The following RUNX1T1 variants were observed in gnomAD, a reference collection of about 807,000 sequenced individuals.
RUNX1T1 encodes the protein RUNX1 partner transcriptional co-repressor 1, also known as protein CBFA2T1.
A neutral mutation model predicts 62.8 loss-of-function variants in RUNX1T1; 4 were observed. The observed-to-expected ratio is 0.06, with a 90% confidence interval of 0.03 to 0.15. The LOEUF is 0.15. Among genes scored for constraint, RUNX1T1 ranks in the 10% least tolerant of loss-of-function variants. The probability of loss-of-function intolerance (pLI) is 1.00; values close to 1 mark genes in which losing one functional copy is unlikely to be tolerated. For synonymous variants in RUNX1T1, 291 were observed against 286.0 expected (o/e 1.02, Z -0.18); for missense variants, 508 against 754.3 (o/e 0.67, Z 3.82).
chr8:91,966,810 TCTAA>T (rs1267113266), intron 10 of RUNX1T1, among the ~76,000 whole-genome samples: 1 of 152,212 alleles, frequency 6.6e-6, no homozygotes, highest in Non-Finnish European at 1.5e-5. Flanking sequence ...CCAGTGTCAT[TCTAA>T]CTGATAGTAA....
chr8:92,049,425 A>T (rs1020292714), intron 1 of RUNX1T1, among the ~76,000 whole-genome samples: 9 of 152,112 alleles, frequency 5.9e-5, no homozygotes, highest in Non-Finnish European at 1.2e-4. Context: ...CTGACATTCC[A>T]GCAAGAATAC....
At chr8:92,084,209 C>T (rs1381344964) in intron 1 of RUNX1T1, among the ~76,000 whole-genome samples, 2 of 146,230 alleles carry the variant, frequency 1.4e-5, no homozygotes, top group Non-Finnish European at 3.0e-5. Flanking sequence ...AACAAACCTG[C>T]ACGTTCTGCA....
intron 5 of RUNX1T1, among the ~76,000 whole-genome samples, chr8:91,997,476 T>G (rs1241004950): frequency 6.6e-6 from 1 of 152,212 alleles, no homozygotes; most frequent in African/African-American, 2.4e-5. Context: ...TCCTGTCATT[T>G]ATTTATTTAA....
chr8:92,073,360 T>C (rs1313216230), intron 2 of RUNX1T1, among the ~76,000 whole-genome samples: 1 of 152,086 alleles, frequency 6.6e-6, no homozygotes, highest in African/African-American at 2.4e-5. Flanking sequence ...TTAGTATCAT[T>C]TCCCACCCTC....
intron 1 of RUNX1T1, among the ~76,000 whole-genome samples, chr8:92,048,053 G>A (rs1829686276): frequency 6.6e-6 from 1 of 152,144 alleles, no homozygotes; most frequent in Non-Finnish European, 1.5e-5. Context: ...TATAACTTGT[G>A]TATGCTCAAT....
At chr8:91,965,384 T>A (rs1811361690) in intron 10 of RUNX1T1, among the ~76,000 whole-genome samples, 3 of 152,166 alleles carry the variant, frequency 2.0e-5, no homozygotes, top group Admixed American at 1.3e-4. Context: ...TACAATAACT[T>A]CTTCTGCTGT....
chr8:92,102,266 G>A (rs888267387), upstream of RUNX1T1, among the ~76,000 whole-genome samples: 3 of 152,164 alleles, frequency 2.0e-5, no homozygotes, highest in Admixed American at 6.5e-5. The surrounding 1 kb of genome is among the most constrained non-coding windows in gnomAD (Gnocchi z 4.5). Flanking sequence ...AACAAGGAAA[G>A]TTCGCAGGCA....
At chr8:92,028,194 T>G (rs944200459) in intron 1 of RUNX1T1, among the ~76,000 whole-genome samples, 1 of 140,344 alleles carries the variant, frequency 7.1e-6, no homozygotes, top group African/African-American at 2.7e-5. Context: ...ATATTAGTAA[T>G]TCTTTTTTTT....
At chr8:91,973,884 C>A (rs1586757077) in intron 9 of RUNX1T1, among the ~76,000 whole-genome samples, 1 of 151,896 alleles carries the variant, frequency 6.6e-6, no homozygotes, top group African/African-American at 2.4e-5. Flanking sequence ...AAAACTATTC[C>A]CAAACTGTTT....
chr8:92,003,229 C>T (rs530145320), intron 5 of RUNX1T1: 89 of 400,170 alleles, frequency 2.2e-4, no homozygotes, highest in South Asian at 1.6e-3. Flanking sequence ...AGCATCAAAA[C>T]AAGAATGCTG....
At chr8:91,970,687 C>A in exon 10 of RUNX1T1, 2 of 1,611,346 alleles carry the variant, frequency 1.2e-6, no homozygotes, top group Non-Finnish European at 1.7e-6. Flanking sequence ...TGATTGATAA[C>A]TGCCAGTGCG....
At chr8:92,030,927 G>A (rs531485853) in intron 1 of RUNX1T1, among the ~76,000 whole-genome samples, 1 of 152,176 alleles carries the variant, frequency 6.6e-6, no homozygotes, top group African/African-American at 2.4e-5. Flanking sequence ...TTTCCTGAGG[G>A]CCAGACCAAG....
chr8:92,033,920 G>C (rs1826758486), intron 1 of RUNX1T1, among the ~76,000 whole-genome samples: 1 of 151,812 alleles, frequency 6.6e-6, no homozygotes, highest in African/African-American at 2.4e-5. Context: ...AGTGAGCTGA[G>C]ACTGCACCAC....
intron 1 of RUNX1T1, among the ~76,000 whole-genome samples, chr8:92,032,608 C>A (rs1826471665): frequency 1.3e-5 from 2 of 152,070 alleles, no homozygotes; most frequent in African/African-American, 4.8e-5. Context: ...GGATTGATAG[C>A]CTTAATATAG....
chr8:91,986,390 T>C, intron 7 of RUNX1T1, 65 bp from the exon 9 acceptor site: 2 of 1,297,942 alleles, frequency 1.5e-6, no homozygotes, highest in South Asian at 1.2e-5. Context: ...TTTTGCTGAG[T>C]AGTGAAACAA....
upstream of RUNX1T1, chr8:92,063,534 C>G (rs991955597): frequency 2.6e-5 from 4 of 152,220 alleles, no homozygotes; most frequent in African/African-American, 9.7e-5. Context: ...TCAATGGACT[C>G]TTCCCTATTA....
chr8:92,062,912 A>G, exon 1 of RUNX1T1: 4 of 1,310,404 alleles, frequency 3.1e-6, no homozygotes, highest in Non-Finnish European at 3.9e-6. Context: ...GAGCACCAAA[A>G]AGCAAAAAGT....
chr8:92,000,796 A>G lies in RUNX1T1; in HGVS notation c.659+4320T>C, dbSNP rs925344952. On this transcript the variant is annotated intron_variant, in intron 5 of 10. Transcript: ENST00000396218. ...TCGTTAAAAATATATATAAAACCTC[A>G]GAATGTTATACTATGGCATCTACCC... Among the ~76,000 whole-genome samples the G allele has an allele frequency of 3.5e-4, 53 of 152,238 alleles. 1 individual carries two copies. The highest frequency in any genetic ancestry group is 3.4e-3 in the Admixed American group (52 of 15,288).
exon 6 of RUNX1T1, chr8:91,991,694 C>T (rs1381588812): frequency 6.2e-7 from 1 of 1,613,958 alleles, no homozygotes; most frequent in Non-Finnish European, 8.5e-7. Flanking sequence ...GATAGGAGTC[C>T]CTGTAGTGGT....
Sources: allele counts gnomAD v4.1 joint callset (sites outside exome capture counted in the v4.1 genomes callset), GRCh38; gene constraint gnomAD v4.1.1; non-coding constraint Gnocchi (gnomAD v3.1); transcripts MANE v1.5; gene names NCBI Gene and HGNC (gene_info 2026-07-23, HGNC 2026-07-21).